Variants in LRBA observed in about 807,000 individuals in gnomAD.
LRBA encodes LPS responsive beige-like anchor protein.
A neutral mutation model predicts 330.0 loss-of-function variants in LRBA; 176 were observed. The observed-to-expected ratio is 0.53, with a 90% CI of 0.47 to 0.60. The LOEUF is 0.60. Ranked by LOEUF, LRBA falls within the 20% of genes least tolerant of loss-of-function variation. The pLI, the probability that LRBA is intolerant of heterozygous loss-of-function variation, is 0.00. For missense variants in LRBA, 3,259 were observed against 3,444.8 expected (o/e 0.95, Z 1.35); for synonymous variants, 1,230 against 1,193.0 (o/e 1.03, Z -0.64).
At position 150,550,293 on chromosome 4, in the gene LRBA, T is replaced by C. The variant is rs1337397748; in HGVS notation, c.6330+37755A>G. 3.3e-5 allele frequency among the ~76,000 whole-genome samples: 5 copies of C among 152,074 alleles called. No individual in the cohort carries two copies. The East Asian group carries it at 9.6e-4, about 29-fold the overall frequency. ...GAACATGCATGCTCCACTTTAGGGGTAGCTAAAACAACACCCCAAAACAAC... is the reference window on the plus strand; with the variant it reads ...GAACATGCATGCTCCACTTTAGGGGCAGCTAAAACAACACCCCAAAACAAC... On this transcript the variant is annotated intron_variant, in intron 40 of 56. Transcript: ENST00000651943.
intron 35 of LRBA, among the ~76,000 whole-genome samples, chr4:150,745,381 A>G (rs1732549095): frequency 6.6e-6 from 1 of 152,186 alleles, no homozygotes; most frequent in Admixed American, 6.5e-5. Flanking sequence ...ATAATCTACT[A>G]AAGATGAAAA....
At chr4:150,524,342 G>T (rs957375931) in intron 40 of LRBA, among the ~76,000 whole-genome samples, 3 of 152,038 alleles carry the variant, frequency 2.0e-5, no homozygotes, top group African/African-American at 7.2e-5. Flanking sequence ...TAATCTACAG[G>T]CTTCTTGCAA....
intron 17 of LRBA, among the ~76,000 whole-genome samples, chr4:150,878,714 T>C (rs1218492734): frequency 6.6e-6 from 1 of 151,944 alleles, no homozygotes. Flanking sequence ...TGAACACCTC[T>C]ATGCACACAA....
chr4:150,574,602 T>A (rs1770296817), intron 40 of LRBA, among the ~76,000 whole-genome samples: 1 of 152,010 alleles, frequency 6.6e-6, no homozygotes, highest in Non-Finnish European at 1.5e-5. Flanking sequence ...GTTCACACTG[T>A]CTCCTTTTAT....
At chr4:150,332,158 TG>T (rs1328971575) in intron 48 of LRBA, among the ~76,000 whole-genome samples, 1 of 152,184 alleles carries the variant, frequency 6.6e-6, no homozygotes, top group African/African-American at 2.4e-5. Flanking sequence ...ATCTTTAAGA[TG>T]AATAGTTATC....
chr4:150,925,800 G>A (rs912960558), intron 4 of LRBA, among the ~76,000 whole-genome samples: 3 of 152,090 alleles, frequency 2.0e-5, no homozygotes, highest in Non-Finnish European at 4.4e-5. Flanking sequence ...AATAAATAAT[G>A]TGAATATAAA....
intron 36 of LRBA, among the ~76,000 whole-genome samples, chr4:150,685,812 G>C (rs1783571397): frequency 6.6e-6 from 1 of 152,026 alleles, no homozygotes; most frequent in Non-Finnish European, 1.5e-5. Context: ...AGGAATTTTA[G>C]AAGTTAGTCT....
chr4:150,892,409 C>A (rs567055931), intron 17 of LRBA, among the ~76,000 whole-genome samples: 1 of 152,078 alleles, frequency 6.6e-6, no homozygotes, highest in Admixed American at 6.5e-5. Flanking sequence ...ATAGGAGTAA[C>A]GTCATTGTAA....
chr4:150,443,853 A>ATATATATATATATATAT (rs771939318), intron 44 of LRBA, among the ~76,000 whole-genome samples: 1 of 75,480 alleles, frequency 1.3e-5, no homozygotes, highest in East Asian at 4.6e-4. Flanking sequence ...TAATTAAAAA[A>ATATATATATATATATAT]ATATATATAT....
chr4:150,772,467 T>C (rs1373557500), intron 34 of LRBA, among the ~76,000 whole-genome samples: 1 of 152,234 alleles, frequency 6.6e-6, no homozygotes, highest in Non-Finnish European at 1.5e-5. Context: ...TTCGATTTGA[T>C]GACAGAGTGC....
rs148258940 is a variant in LRBA, at chr4:150,919,101, T to C, written c.645+2097A>G. Among the ~76,000 whole-genome samples the C allele has an allele frequency of 4.7e-3, 723 of 152,298 alleles. 3 individuals carry two copies. Among genetic ancestry groups the C allele is most frequent in the Non-Finnish European group, 6.4e-3 (438 of 68,018 alleles). On this transcript the variant is annotated intron_variant, in intron 5 of 56. Transcript: ENST00000651943. ...AGGAATGAAGTACTGATACATGCTG[T>C]ACCATGGATGGACCTTGAAAACATT...
intron 48 of LRBA, among the ~76,000 whole-genome samples, chr4:150,348,790 A>G (rs995413113): frequency 2.6e-5 from 4 of 152,182 alleles, no homozygotes; most frequent in African/African-American, 9.6e-5. Context: ...AAATAGGCCT[A>G]TGCTATTTTA....
chr4:150,357,589 G>C (rs2151834593), intron 47 of LRBA, among the ~76,000 whole-genome samples: 1 of 150,412 alleles, frequency 6.6e-6, no homozygotes, highest in South Asian at 2.1e-4. Context: ...CTAAAATCTA[G>C]GAATTCACAA....
Position 150,302,727 on chromosome 4 carries a change from A to G in LRBA, c.7915T>C (p.Tyr2639His), listed in dbSNP as rs750592957. Residue 2639 changes from tyrosine to histidine, a missense_variant, in exon 53 of 57, where the codon TAT becomes CAT. By Grantham distance (83) the Tyr-to-His change is moderately conservative. Coordinates refer to ENST00000651943, the MANE Select transcript of LRBA (RefSeq NM_001364905.1). The part of the protein sequence containing the change: ...VVTCLARSES[Y>H]IGGNCYILSG... ...AGAATGTAGCAATTTCCCCCAATAT[A>G]TGACTCAGAACGAGCAAGGCAAGTG... 1.9e-6 allele frequency: 3 copies of G among 1,612,078 alleles called. No individual in the cohort carries two copies. The highest frequency in any genetic ancestry group is 3.3e-4 in the Middle Eastern group (2 of 6,050).
intron 37 of LRBA, among the ~76,000 whole-genome samples, chr4:150,612,149 T>A (rs1775334701): frequency 6.6e-6 from 1 of 152,114 alleles, no homozygotes; most frequent in African/African-American, 2.4e-5. Context: ...CTATACCACA[T>A]TTGTTGCTGT....
At chr4:150,697,038 A>T (rs1408097782) in intron 36 of LRBA, among the ~76,000 whole-genome samples, 1 of 150,970 alleles carries the variant, frequency 6.6e-6, no homozygotes, top group Non-Finnish European at 1.5e-5. Flanking sequence ...AAAAAGAAAA[A>T]AAAAAAGGCC....
chr4:150,648,227 C>T (rs529107734), intron 37 of LRBA, among the ~76,000 whole-genome samples: 1 of 127,304 alleles, frequency 7.9e-6, no homozygotes, highest in Middle Eastern at 5.0e-3. Flanking sequence ...AATAACTTGA[C>T]AAGGAAGTGG....
In LRBA at chr4:150,808,383, T is replaced by G; in HGVS notation, c.5321A>C (p.Asn1774Thr). Residue 1774 changes from asparagine (N) to threonine (T), a missense_variant, in exon 32 of 57, where the codon AAT becomes ACT. Physicochemically the swap from Asn to Thr is moderately conservative, Grantham distance 65. Transcript: ENST00000651943. ...TGTTGGAACTGAGGGCAATTTTGCA[T>G]TAGATGATCTACTGCCTATAAAAGA... ...GGESPGSRSS[N>T]AKLPSVPTVD... 3 of 1,602,948 alleles carry G rather than the reference T, an allele frequency of 1.9e-6. No individual in the cohort carries two copies. Among genetic ancestry groups the G allele is most frequent in the Non-Finnish European group, 2.6e-6 (3 of 1,170,308 alleles).
rs1730097110 is a variant in LRBA at position 150,896,476 on chromosome 4, G to T, written c.2005-20C>A. 2.3e-6 allele frequency: 3 copies of T among 1,317,988 alleles called. No individual in the cohort carries two copies. Among genetic ancestry groups the T allele is most frequent in the Non-Finnish European group, 3.2e-6 (3 of 940,026 alleles). 81.6% of individuals were successfully genotyped at this position (1,317,988 alleles called of 1,614,324 possible). On this transcript the variant is annotated intron_variant, in intron 15 of 56. Coordinates refer to ENST00000651943, the MANE Select transcript of LRBA (RefSeq NM_001364905.1). The stretch of plus-strand genomic sequence containing the variant: ...AGAATCCTTCAAAAACATAATACAG[G>T]TATCTTACGTTTACATGTAAAAAAA...
Sources: gnomAD v4.1 joint callset for allele counts (sites outside exome capture counted in the v4.1 genomes callset) on GRCh38, gnomAD v4.1.1 for gene constraint, MANE v1.5 for transcripts, NCBI Gene and HGNC (gene_info 2026-07-23, HGNC 2026-07-21) for gene names.